MTMR2: variants seen among roughly 807,000 people sequenced by gnomAD.
MTMR2 encodes myotubularin related protein 2, also known as phosphatidylinositol-3,5-bisphosphate 3-phosphatase MTMR2.
A neutral mutation model predicts 86.9 loss-of-function variants in MTMR2; 55 were observed. That is an observed-to-expected ratio of 0.63 (90% confidence interval 0.51 to 0.79). MTMR2 has a LOEUF of 0.79. Among genes scored for constraint, MTMR2 ranks in the 30% least tolerant of loss-of-function variants. The probability of loss-of-function intolerance (pLI) is 0.00; values close to 1 mark genes in which losing one functional copy is unlikely to be tolerated. For missense variants in MTMR2, 659 were observed against 772.3 expected (o/e 0.85, Z 1.74); for synonymous variants, 241 against 266.8 (o/e 0.90, Z 0.94).
rs747178197 is a variant in MTMR2 at position 95,847,792 on chromosome 11, C to G, written c.1101G>C (p.Lys367Asn). The change falls in exon 10 of 15, where the codon AAG (lysine) becomes AAC (asparagine). Residue 367 changes from lysine (K) to asparagine (N), a missense_variant. Physicochemically the swap from Lys to Asn is moderately conservative, Grantham distance 94. This residue lies in a region of MTMR2 where 387 missense variants were observed against 526.3 expected (regional missense o/e 0.74). Transcript: ENST00000346299. ...CCTCAATGTTGGGGTACACAATCTC[C>G]TTAAGTTTTCGTAATGATTCTCTCA... ...HVMRESLRKLKEIVYPNIEET... is the reference protein window; with the variant it reads ...HVMRESLRKLNEIVYPNIEET... The G allele has an allele frequency of 3.1e-6, 5 of 1,613,686 alleles. No individual in the cohort carries two copies. The Admixed American group carries it at 8.3e-5, about 27-fold the overall frequency.
intron 1 of MTMR2, among the ~76,000 whole-genome samples, chr11:95,907,655 C>T (rs1231793443): frequency 2.0e-5 from 3 of 152,106 alleles, no homozygotes; most frequent in African/African-American, 4.8e-5. Flanking sequence ...CATCAAAAAG[C>T]TAATCCACAA....
intron 2 of MTMR2, among the ~76,000 whole-genome samples, chr11:95,880,144 T>C (rs1267316517): frequency 1.3e-5 from 2 of 151,996 alleles, no homozygotes; most frequent in Non-Finnish European, 2.9e-5. Context: ...AAGTCAGACA[T>C]GTAAAAGGTA....
chr11:95,867,902 A>G (rs140506738), intron 2 of MTMR2, among the ~76,000 whole-genome samples: 84 of 152,276 alleles, frequency 5.5e-4, no homozygotes, highest in African/African-American at 1.9e-3. Flanking sequence ...ATAATTCTCT[A>G]TAGGCATTTG....
At chr11:95,881,854 T>C (rs1056642530) in intron 2 of MTMR2, among the ~76,000 whole-genome samples, 2 of 152,184 alleles carry the variant, frequency 1.3e-5, no homozygotes, top group African/African-American at 4.8e-5. Context: ...AGCATAATGC[T>C]GAATAAAAGT....
In MTMR2 at chr11:95,888,262, CTACAAAA is replaced by C; in HGVS notation, c.81-8_81-2del. ...ATTCTCTGAATGAGAAGTGGAGGCA[CTACAAAA>C]TACAAAAGTACAGTATGTTGGAAAA... On this transcript the variant is annotated splice_acceptor_variant and splice_polypyrimidine_tract_variant and intron_variant, in intron 1 of 14. Coordinates refer to ENST00000346299, the MANE Select transcript of MTMR2 (RefSeq NM_016156.6). LOFTEE classifies it high-confidence loss of function. The C allele has an allele frequency of 6.3e-7, 1 of 1,592,442 alleles. No individual in the cohort carries two copies. The highest frequency in any genetic ancestry group is 8.6e-7 in the Non-Finnish European group (1 of 1,163,356).
intron 2 of MTMR2, among the ~76,000 whole-genome samples, chr11:95,885,239 G>A (rs983015709): frequency 6.6e-5 from 10 of 151,994 alleles, no homozygotes; most frequent in African/African-American, 2.2e-4. Flanking sequence ...CCTACCCATC[G>A]TATTATCTCC....
chr11:95,918,145 T>C (rs539825364), intron 1 of MTMR2, among the ~76,000 whole-genome samples: 3 of 152,324 alleles, frequency 2.0e-5, no homozygotes, highest in South Asian at 4.1e-4. Flanking sequence ...GACCTTAACT[T>C]AGTTTTAACT....
chr11:95,838,074 G>T lies in MTMR2; in HGVS notation c.1593+20C>A. ...TATACAGTAGAGATAGTATGGGGAA[G>T]GTCATGTTTCATATTTTACCTCTTT... On this transcript the variant is annotated intron_variant, in intron 13 of 14. Coordinates refer to ENST00000346299, the MANE Select transcript of MTMR2 (RefSeq NM_016156.6). 1 of 1,370,566 alleles carries T rather than the reference G, an allele frequency of 7.3e-7. No individual in the cohort carries two copies. 84.9% of individuals were successfully genotyped at this position (1,370,566 alleles called of 1,614,324 possible).
intron 7 of MTMR2, among the ~76,000 whole-genome samples, chr11:95,853,651 T>C (rs1401517602): frequency 6.6e-6 from 1 of 152,162 alleles, no homozygotes; most frequent in African/African-American, 2.4e-5. Context: ...TATCAGACTA[T>C]TCATTACATT....
intron 2 of MTMR2, among the ~76,000 whole-genome samples, chr11:95,874,943 T>C (rs1240615366): frequency 6.6e-6 from 1 of 152,156 alleles, no homozygotes; most frequent in African/African-American, 2.4e-5. Context: ...TTCTGGCTTG[T>C]AGAGTTTCTG....
In MTMR2 at chr11:95,841,734, T is replaced by C. The variant is rs1213401703; in HGVS notation, c.1387-25A>G. On this transcript the variant is annotated intron_variant, in intron 11 of 14. Transcript: ENST00000346299. The stretch of plus-strand genomic sequence containing the variant: ...TCTGAAGCAAAAAGAGTGAAATATA[T>C]GAACTTAGGGGGATTTTTCATGTTT... 3 of 1,507,672 alleles carry C rather than the reference T, an allele frequency of 2.0e-6. No individual in the cohort carries two copies. The East Asian group carries it at 6.8e-5, about 34-fold the overall frequency. 93.4% of individuals were successfully genotyped at this position (1,507,672 alleles called of 1,614,324 possible). A position where few individuals can be genotyped will look rare whatever the true frequency, so the allele number is the denominator to read the frequency against.
intron 12 of MTMR2, 40 bp from the exon 13 acceptor site, chr11:95,838,247 C>A: frequency 9.0e-7 from 1 of 1,106,156 alleles, no homozygotes; most frequent in South Asian, 1.2e-5. Context: ...TTAAGACATT[C>A]TTCAAGCATA....
chr11:95,892,036 T>C (rs904720061), intron 1 of MTMR2, among the ~76,000 whole-genome samples: 13 of 152,202 alleles, frequency 8.5e-5, no homozygotes, highest in Admixed American at 7.9e-4. Flanking sequence ...CTCTTTTCTG[T>C]AGTTGTTTGT....
intron 10 of MTMR2, among the ~76,000 whole-genome samples, chr11:95,847,013 T>C (rs1863820860): frequency 6.6e-6 from 1 of 152,194 alleles, no homozygotes; most frequent in Admixed American, 6.5e-5. Context: ...TTAATATTTA[T>C]ATATGTGGTT....
chr11:95,841,898 T>C (rs565547704), intron 11 of MTMR2, among the ~76,000 whole-genome samples, 189 bp from the exon 12 acceptor site: 1 of 152,256 alleles, frequency 6.6e-6, no homozygotes, highest in Non-Finnish European at 1.5e-5. Context: ...GAATTCGAGA[T>C]GGGTCTGGGC....
chr11:95,862,509 CTA>C, intron 3 of MTMR2, 143 bp from the exon 4 acceptor site: 1 of 708,514 alleles, frequency 1.4e-6, no homozygotes, highest in South Asian at 1.6e-5. Flanking sequence ...CCTCAGAATC[CTA>C]CAACCCAAGC....
Position 95,849,814 on chromosome 11 carries a change from T to C in MTMR2, c.853A>G (p.Ser285Gly). The C allele has an allele frequency of 6.2e-7, 1 of 1,614,188 alleles. No homozygotes were observed. Among genetic ancestry groups the C allele is most frequent in the Non-Finnish European group, 8.5e-7 (1 of 1,179,996 alleles). Residue 285 changes from serine to glycine, a missense_variant, in exon 9 of 15, where the codon AGC becomes GGC. By Grantham distance (56) the Ser-to-Gly change is moderately conservative. Around this residue, in one of 3 missense-constraint regions of MTMR2, gnomAD observed 387 missense variants for 526.3 expected, o/e 0.74. Transcript: ENST00000346299. Reference sequence around the variant, plus strand: ...CCACTCACTCCAACCATGGGCTGGCTACACCGAGTGATTGTGGCTTGACTT... The same window carrying C: ...CCACTCACTCCAACCATGGGCTGGCCACACCGAGTGATTGTGGCTTGACTT... ...PESQATITRC[S>G]QPMVGVSGKR...
intron 2 of MTMR2, among the ~76,000 whole-genome samples, chr11:95,868,268 T>C (rs1864693755): frequency 1.3e-5 from 1 of 74,744 alleles, no homozygotes; most frequent in African/African-American, 6.0e-5. Flanking sequence ...AGTGAGACCC[T>C]GTGCTAAAAA....
chr11:95,882,920 T>TTG (rs1262649442), intron 2 of MTMR2, among the ~76,000 whole-genome samples: 19 of 101,194 alleles, frequency 1.9e-4, no homozygotes, highest in African/African-American at 7.0e-4. Context: ...TTTTTTTTTT[T>TTG]GTATTTTTAG....
Sources: gnomAD v4.1 joint callset for allele counts (sites outside exome capture counted in the v4.1 genomes callset) on GRCh38, gnomAD v4.1.1 for gene constraint, gnomAD v4.1.1 regional missense constraint, MANE v1.5 for transcripts, NCBI Gene and HGNC (gene_info 2026-07-23, HGNC 2026-07-21) for gene names.